The following DGKB variants were observed in gnomAD, a reference collection of about 807,000 sequenced individuals.
DGKB encodes 90 kDa diacylglycerol kinase.
In DGKB, 67 loss-of-function variants were observed where a neutral mutation model predicts 114.3. The observed-to-expected ratio is 0.59, with a 90% confidence interval of 0.48 to 0.72. DGKB has a LOEUF of 0.72. Ranked by LOEUF, DGKB falls within the 30% of genes least tolerant of loss-of-function variation. The pLI is 0.00. For missense variants in DGKB, 907 were observed against 975.2 expected (o/e 0.93, Z 0.93); for synonymous variants, 398 against 323.1 (o/e 1.23, Z -2.49).
At chr7:14,729,352 G>A (rs1476281128) in intron 5 of DGKB, among the ~76,000 whole-genome samples, 1 of 151,838 alleles carries the variant, frequency 6.6e-6, no homozygotes, top group Non-Finnish European at 1.5e-5. Flanking sequence ...TCGATCTCCT[G>A]ACCTTGTGAT....
intron 25 of DGKB, among the ~76,000 whole-genome samples, chr7:14,158,377 A>AAGGTT (rs1370858608): frequency 6.6e-6 from 1 of 152,188 alleles, no homozygotes; most frequent in Non-Finnish European, 1.5e-5. Flanking sequence ...ACCCAAAAGA[A>AAGGTT]AGGTTAGAAA....
intron 21 of DGKB, among the ~76,000 whole-genome samples, chr7:14,465,228 G>A (rs1833656131): frequency 6.7e-6 from 1 of 150,242 alleles, no homozygotes; most frequent in Non-Finnish European, 1.5e-5. Flanking sequence ...GGCTTTACAA[G>A]AGCAGAGAGG....
intron 13 of DGKB, among the ~76,000 whole-genome samples, chr7:14,633,694 T>C (rs190658956): frequency 2.2e-4 from 34 of 151,940 alleles, no homozygotes; most frequent in African/African-American, 7.2e-4. Context: ...AAATGTAATA[T>C]ATTTTTAATC....
intron 21 of DGKB, among the ~76,000 whole-genome samples, chr7:14,473,994 G>A (rs1385777637): frequency 1.3e-5 from 2 of 152,140 alleles, no homozygotes; most frequent in African/African-American, 4.8e-5. Flanking sequence ...TTTGGACTGT[G>A]GACTTTTGAG....
At chr7:14,247,006 G>C (rs750577163) in intron 23 of DGKB, among the ~76,000 whole-genome samples, 3 of 151,912 alleles carry the variant, frequency 2.0e-5, no homozygotes, top group Non-Finnish European at 4.4e-5. Flanking sequence ...CTAGTCACTG[G>C]CAATGATCTT....
intron 17 of DGKB, among the ~76,000 whole-genome samples, chr7:14,592,045 A>T (rs572432701): frequency 1.3e-5 from 2 of 151,962 alleles, no homozygotes. Context: ...CTTACATACA[A>T]TGTGGCTGTA....
intron 13 of DGKB, among the ~76,000 whole-genome samples, chr7:14,633,758 A>G (rs1239141987): frequency 3.3e-5 from 5 of 151,774 alleles, no homozygotes; most frequent in African/African-American, 1.2e-4. Flanking sequence ...AGGTGTGACT[A>G]CAGAGGAATG....
intron 12 of DGKB, among the ~76,000 whole-genome samples, chr7:14,678,136 T>G (rs1268777028): frequency 6.6e-6 from 1 of 152,050 alleles, no homozygotes; most frequent in Non-Finnish European, 1.5e-5. Flanking sequence ...GAATAGCATA[T>G]CAGAGATTAA....
intron 25 of DGKB, among the ~76,000 whole-genome samples, chr7:14,166,875 A>C: frequency 6.6e-6 from 1 of 152,156 alleles, no homozygotes. Context: ...AAAAATAGGA[A>C]AGAAGGGCCC....
chr7:14,521,618 G>T (rs1370116869), intron 20 of DGKB, among the ~76,000 whole-genome samples: 2 of 151,728 alleles, frequency 1.3e-5, no homozygotes, highest in African/African-American at 4.8e-5. Context: ...TAAAGTAATT[G>T]TTATATCTTT....
chr7:14,943,921 A>G (rs1785713542), intron 1 of DGKB, among the ~76,000 whole-genome samples: 1 of 151,884 alleles, frequency 6.6e-6, no homozygotes, highest in Non-Finnish European at 1.5e-5. Flanking sequence ...TGTTTTCTCT[A>G]GCAATGGATC....
At chr7:14,169,131 T>C (rs1482232068) in intron 25 of DGKB, among the ~76,000 whole-genome samples, 2 of 151,032 alleles carry the variant, frequency 1.3e-5, no homozygotes, top group Non-Finnish European at 3.0e-5. Flanking sequence ...AGGCCGAGGC[T>C]TGTGGATCAC....
chr7:14,808,699 G>A (rs1843053963), intron 2 of DGKB, among the ~76,000 whole-genome samples: 1 of 152,098 alleles, frequency 6.6e-6, no homozygotes, highest in African/African-American at 2.4e-5. Flanking sequence ...GATGAGAATA[G>A]AATGTTTGCT....
intron 1 of DGKB, among the ~76,000 whole-genome samples, chr7:14,896,109 A>G (rs74652876): frequency 2.6e-5 from 4 of 151,718 alleles, no homozygotes; most frequent in African/African-American, 9.7e-5. Flanking sequence ...GTTTCCTCAC[A>G]TCAGAGATCA....
chr7:14,449,041 A>G (rs1475554675), intron 21 of DGKB, among the ~76,000 whole-genome samples: 1 of 152,106 alleles, frequency 6.6e-6, no homozygotes, highest in Non-Finnish European at 1.5e-5. Context: ...ACTCACAACT[A>G]CATATAAAAA....
chr7:14,237,862 T>C (rs1168624787), intron 23 of DGKB, among the ~76,000 whole-genome samples: 1 of 152,052 alleles, frequency 6.6e-6, no homozygotes, highest in African/African-American at 2.4e-5. Flanking sequence ...TAATCATTCA[T>C]TCATTCAATA....
intron 23 of DGKB, among the ~76,000 whole-genome samples, chr7:14,213,175 T>C (rs1314463088): frequency 6.6e-6 from 1 of 152,112 alleles, no homozygotes; most frequent in Non-Finnish European, 1.5e-5. Context: ...GGAAAGCTAT[T>C]TTCGTATATA....
intron 23 of DGKB, among the ~76,000 whole-genome samples, chr7:14,317,570 A>C (rs1806828510): frequency 2.0e-5 from 3 of 150,732 alleles, no homozygotes; most frequent in African/African-American, 4.9e-5. Flanking sequence ...TAGGAATCCA[A>C]CTTACAAGGG....
chr7:14,568,544 T>A (rs1280346590), intron 20 of DGKB, among the ~76,000 whole-genome samples: 1 of 152,188 alleles, frequency 6.6e-6, no homozygotes, highest in Non-Finnish European at 1.5e-5. Context: ...TAGAGAAGGT[T>A]ATCTGTCAAG....
Sources: gnomAD v4.1 joint callset for allele counts (sites outside exome capture counted in the v4.1 genomes callset) on GRCh38, gnomAD v4.1.1 for gene constraint, MANE v1.5 for transcripts, NCBI Gene and HGNC (gene_info 2026-07-23, HGNC 2026-07-21) for gene names.